LARGE1: variants seen among roughly 807,000 people sequenced by gnomAD.
LARGE1 encodes the protein xylosyl- and glucuronyltransferase LARGE1.
Under a neutral mutation model 87.6 loss-of-function variants are expected in LARGE1, and 43 were observed. The ratio of observed to expected loss-of-function variants is 0.49; its 90% confidence interval spans 0.38 to 0.63. LARGE1 has a LOEUF of 0.63. Among genes scored for constraint, LARGE1 ranks in the 30% least tolerant of loss-of-function variants. The pLI, the probability that LARGE1 is intolerant of heterozygous loss-of-function variation, is 0.00. For synonymous variants in LARGE1, 434 were observed against 394.6 expected (o/e 1.10, Z -1.18); for missense variants, 802 against 1,000.2 (o/e 0.80, Z 2.67).
At chr22:33,775,268 A>T (rs2085197300) in intron 1 of LARGE1, among the ~76,000 whole-genome samples, 1 of 152,208 alleles carries the variant, frequency 6.6e-6, no homozygotes, top group Non-Finnish European at 1.5e-5. Flanking sequence ...TGCTTCTCTC[A>T]ATTTGGTAGC....
chr22:33,165,923 A>G lies in LARGE1; in HGVS notation c.*840T>C, dbSNP rs1376537057. The G allele has an allele frequency of 2.0e-5, 3 of 152,320 alleles. No homozygotes were observed. In the South Asian group the frequency reaches 6.2e-4, roughly 32 times the overall value. 9.4% of individuals were successfully genotyped at this position (152,320 alleles called of 1,614,324 possible). A position where few individuals can be genotyped will look rare whatever the true frequency, so the allele number is the denominator to read the frequency against. On this transcript the variant is annotated 3_prime_UTR_variant, in exon 12 of 12. Transcript: ENST00000608642. ...AACAAAATCAAGTAAAATACCTGCT[A>G]TGGCCTGTTTAAGGAAACAAAACAG...
the LARGE1 span, among the ~76,000 whole-genome samples, chr22:33,150,957 C>T: frequency 0.035 from 5,303 of 151,840 alleles, 311 homozygotes; most frequent in African/African-American, 0.12. Context: ...TATAAATTTC[C>T]GAATCAGCTT....
At chr22:33,134,971 G>T in the LARGE1 span, among the ~76,000 whole-genome samples, 1 of 152,302 alleles carries the variant, frequency 6.6e-6, no homozygotes, top group African/African-American at 2.4e-5. Flanking sequence ...GCTGGGGCTG[G>T]GTCATCTGCC....
At chr22:33,670,783 A>T (rs184764277) in intron 2 of LARGE1, among the ~76,000 whole-genome samples, 1 of 152,358 alleles carries the variant, frequency 6.6e-6, no homozygotes, top group Admixed American at 6.5e-5. Flanking sequence ...AGTGCCCAAC[A>T]GGTCCATACA....
At chr22:33,681,885 C>G (rs1466422574) in intron 2 of LARGE1, among the ~76,000 whole-genome samples, 1 of 152,236 alleles carries the variant, frequency 6.6e-6, no homozygotes, top group East Asian at 1.9e-4. Context: ...ACACCTAAGT[C>G]TATGCTCATG....
intron 1 of LARGE1, among the ~76,000 whole-genome samples, chr22:33,904,983 A>T (rs563042031): frequency 1.4e-4 from 21 of 152,194 alleles, no homozygotes; most frequent in African/African-American, 5.1e-4. Context: ...GCAGAAATCA[A>T]CTTAAAAATT....
chr22:33,745,487 T>G (rs1312694190), intron 2 of LARGE1, among the ~76,000 whole-genome samples: 1 of 152,162 alleles, frequency 6.6e-6, no homozygotes, highest in African/African-American at 2.4e-5. Context: ...CCTGACAATC[T>G]GAGCACCCAG....
At chr22:33,847,007 C>G (rs1385869597) in intron 1 of LARGE1, among the ~76,000 whole-genome samples, 1 of 152,192 alleles carries the variant, frequency 6.6e-6, no homozygotes, top group Non-Finnish European at 1.5e-5. Flanking sequence ...GACCCACACC[C>G]TATTCGTACA....
chr22:33,159,948 A>AC (rs397763905), downstream of LARGE1, among the ~76,000 whole-genome samples: 6 of 151,234 alleles, frequency 4.0e-5, no homozygotes, highest in African/African-American at 7.3e-5. Context: ...AAAAAAAAAA[A>AC]CACTCAAATC....
In LARGE1 at chr22:33,798,238, C is replaced by T. The variant is rs577476526; in HGVS notation, c.-82-36680G>A. 1.2e-4 allele frequency among the ~76,000 whole-genome samples: 18 copies of T among 152,202 alleles called. No individual in the cohort carries two copies. In the East Asian group the frequency reaches 2.7e-3, roughly 23 times the overall value. ...CTGGGAGGCAGAGGGTGCAGTGAGC[C>T]GAGATCTGGCCGTTACACTCCAGCC... On this transcript the variant is annotated intron_variant, in intron 1 of 14. Transcript: ENST00000397394.
At chr22:33,563,095 G>A (rs1374411503) in intron 6 of LARGE1, 1 of 152,440 alleles carries the variant, frequency 6.6e-6, no homozygotes, top group East Asian at 1.9e-4. Flanking sequence ...CCCACGAAGG[G>A]GTGTGGCCAC....
intron 5 of LARGE1, among the ~76,000 whole-genome samples, chr22:33,580,670 C>T (rs1048762940): frequency 6.6e-6 from 1 of 152,172 alleles, no homozygotes; most frequent in Non-Finnish European, 1.5e-5. Context: ...GGGCAACACA[C>T]ACACTCTGGG....
At chr22:33,573,394 G>A (rs971506904) in intron 5 of LARGE1, among the ~76,000 whole-genome samples, 2 of 152,110 alleles carry the variant, frequency 1.3e-5, no homozygotes, top group African/African-American at 2.4e-5. Flanking sequence ...AGCCGAGATC[G>A]AGCCACTGCA....
intron 6 of LARGE1, among the ~76,000 whole-genome samples, chr22:33,528,906 G>A (rs914363549): frequency 6.6e-5 from 10 of 151,936 alleles, no homozygotes; most frequent in African/African-American, 1.5e-4. Context: ...TCTACTATAC[G>A]CCAGGCATTG....
At chr22:33,754,309 T>C (rs1282363590) in intron 2 of LARGE1, among the ~76,000 whole-genome samples, 1 of 151,938 alleles carries the variant, frequency 6.6e-6, no homozygotes, top group Non-Finnish European at 1.5e-5. Context: ...AGCTCAGCAC[T>C]AACACTTATT....
chr22:33,384,705 T>TG (rs1028876856), intron 7 of LARGE1, among the ~76,000 whole-genome samples: 2 of 148,504 alleles, frequency 1.3e-5, no homozygotes, highest in African/African-American at 4.9e-5. Context: ...ACAATGTGAA[T>TG]GGACTTCATG....
At chr22:33,174,811 A>C (rs927514967) in intron 11 of LARGE1, among the ~76,000 whole-genome samples, 7 of 152,204 alleles carry the variant, frequency 4.6e-5, no homozygotes, top group African/African-American at 1.7e-4. Flanking sequence ...GAATCCCTGA[A>C]TAGACTAATA....
chr22:33,527,022 C>T (rs1165186934), intron 6 of LARGE1, among the ~76,000 whole-genome samples: 2 of 152,280 alleles, frequency 1.3e-5, no homozygotes, highest in South Asian at 2.1e-4. Flanking sequence ...TTTGAGAGGC[C>T]GAGGCGGGTG....
chr22:33,454,874 T>TAAACCATTTATGAAG (rs1049476070), intron 6 of LARGE1, among the ~76,000 whole-genome samples: 1 of 152,062 alleles, frequency 6.6e-6, no homozygotes, highest in African/African-American at 2.4e-5. Flanking sequence ...CGGATGGTGC[T>TAAACCATTTATGAAG]AAACCATTTA....
Sources: gnomAD v4.1 joint callset for allele counts (sites outside exome capture counted in the v4.1 genomes callset) on GRCh38, gnomAD v4.1.1 for gene constraint, MANE v1.5 for transcripts, NCBI Gene and HGNC (gene_info 2026-07-23, HGNC 2026-07-21) for gene names.